SOX6: variants seen among roughly 807,000 people sequenced by gnomAD.
The protein encoded by SOX6 is transcription factor SOX-6.
A neutral mutation model predicts 97.8 loss-of-function variants in SOX6; 11 were observed. That is an observed-to-expected ratio of 0.11 (90% CI 0.07 to 0.19). The LOEUF is 0.19. Among genes scored for constraint, SOX6 ranks in the 10% least tolerant of loss-of-function variants. SOX6 has a pLI of 1.00. For synonymous variants in SOX6, 360 were observed against 371.4 expected (o/e 0.97, Z 0.35); for missense variants, 810 against 1,039.5 (o/e 0.78, Z 3.04).
intron 1 of SOX6, among the ~76,000 whole-genome samples, chr11:16,380,949 A>G (rs1015938033): frequency 6.6e-6 from 1 of 152,100 alleles, no homozygotes; most frequent in African/African-American, 2.4e-5. Context: ...TAAACATATG[A>G]TCTTGAGCAA....
intron 7 of SOX6, among the ~76,000 whole-genome samples, chr11:16,105,432 G>T (rs540507377): frequency 6.6e-6 from 1 of 152,190 alleles, no homozygotes; most frequent in East Asian, 1.9e-4. Flanking sequence ...GCCAAGTGTG[G>T]TGGCACGTGC....
chr11:16,567,534 T>A (rs12289091), intron 4 of SOX6, among the ~76,000 whole-genome samples: 36,854 of 150,880 alleles, frequency 0.24, 5,016 homozygotes, highest in East Asian at 0.48. Context: ...ATTGTTTCTC[T>A]GTATTAATGG....
At chr11:16,153,074 C>T (rs1451437992) in intron 6 of SOX6, among the ~76,000 whole-genome samples, 1 of 152,112 alleles carries the variant, frequency 6.6e-6, no homozygotes, top group African/African-American at 2.4e-5. Flanking sequence ...ACCATGTTGG[C>T]CAGGGTGGTA....
At position 16,683,523 on chromosome 11, in the gene SOX6, G is replaced by T. The variant is rs528174759; in HGVS notation, n.429+31307C>A. On this transcript the variant is annotated intron_variant and non_coding_transcript_variant, in intron 3 of 5. Transcript: ENST00000524520. ...TTAATAAATGGTGCTGGGAAAATTG[G>T]CTAACCATATGTAGAAAGCTGAAAC... Among the ~76,000 whole-genome samples, 3 of 152,256 alleles carry T rather than the reference G, an allele frequency of 2.0e-5. No individual in the cohort carries two copies. In the South Asian group the frequency reaches 6.2e-4, roughly 32 times the overall value.
intron 6 of SOX6, among the ~76,000 whole-genome samples, chr11:16,176,249 T>C (rs770557640): frequency 2.0e-5 from 3 of 151,830 alleles, no homozygotes; most frequent in Non-Finnish European, 2.9e-5. Flanking sequence ...TCTATAAACT[T>C]TTCAATACTC....
At chr11:16,318,274 C>A in intron 3 of SOX6, 172 bp downstream of exon 3, 1 of 682,098 alleles carries the variant, frequency 1.5e-6, no homozygotes, top group Non-Finnish European at 2.6e-6. Context: ...CTGTTTAACA[C>A]TCCTAATGGA....
At chr11:16,567,383 A>C (rs903744803) in intron 4 of SOX6, 1 of 152,304 alleles carries the variant, frequency 6.6e-6, no homozygotes, top group South Asian at 2.1e-4. Context: ...TCTCACCTAA[A>C]AAAATAAAAT....
intron 9 of SOX6, among the ~76,000 whole-genome samples, chr11:16,070,505 T>C (rs1848198387): frequency 6.6e-6 from 1 of 152,080 alleles, no homozygotes; most frequent in South Asian, 2.1e-4. Context: ...TTATGGAACA[T>C]AGTTGCAAAT....
rs1847640378 is a variant in SOX6 at position 16,049,849 on chromosome 11, G to C, written c.1341C>G (p.Leu447=). ...VKSPTSPTQN[L]FPASKTSPVN... ...CAGGGCTGGTTTTGCTGGCTGGGAA[G>C]AGGTTCTGGGTGGGAGACGTTGGGG... Residue 447 remains leucine, a synonymous_variant, in exon 11 of 16, where the codon CTC becomes CTG. Transcript: ENST00000683767. 5 of 1,613,750 alleles carry C rather than the reference G, an allele frequency of 3.1e-6. No individual in the cohort carries two copies. Among genetic ancestry groups the C allele is most frequent in the Non-Finnish European group, 3.4e-6 (4 of 1,179,824 alleles).
intron 3 of SOX6, among the ~76,000 whole-genome samples, chr11:16,238,354 T>C (rs912882531): frequency 3.9e-5 from 6 of 152,116 alleles, no homozygotes; most frequent in Admixed American, 2.6e-4. Flanking sequence ...TAAAATATCA[T>C]GCATAATAAA....
chr11:16,402,935 C>T, intron 1 of SOX6: 1 of 1,144,622 alleles, frequency 8.7e-7, no homozygotes, highest in Admixed American at 2.2e-5. Context: ...CAAAACAAAA[C>T]CAATTTTTAC....
At chr11:16,210,348 G>A (rs1359894191) in intron 4 of SOX6, among the ~76,000 whole-genome samples, 4 of 152,146 alleles carry the variant, frequency 2.6e-5, no homozygotes, top group Non-Finnish European at 5.9e-5. Context: ...ACATGGATGA[G>A]CCTGGAAAAC....
chr11:16,516,812 T>TC lies in SOX6; in HGVS notation n.610-40425dup, dbSNP rs1207521439. Among the ~76,000 whole-genome samples, 5 of 151,428 alleles carry TC rather than the reference T, an allele frequency of 3.3e-5. No homozygotes were observed. The East Asian group carries it at 9.7e-4, about 30-fold the overall frequency. ...CAATCAATAGAAAAAGAGGGAATCCTCCCTAACTCATTTTATGAGGACAGC... is the reference window on the plus strand; with the variant it reads ...CAATCAATAGAAAAAGAGGGAATCCTCCCCTAACTCATTTTATGAGGACAGC... On this transcript the variant is annotated intron_variant and non_coding_transcript_variant, in intron 4 of 5. Coordinates refer to the SOX6 transcript ENST00000524520.
At chr11:16,582,418 T>G (rs1182578338) in intron 4 of SOX6, among the ~76,000 whole-genome samples, 2 of 152,206 alleles carry the variant, frequency 1.3e-5, no homozygotes, top group Non-Finnish European at 2.9e-5. Flanking sequence ...CTGTACTATA[T>G]ATTTCTTATA....
intron 2 of SOX6, among the ~76,000 whole-genome samples, chr11:16,324,139 G>C (rs1272497187): frequency 1.3e-5 from 2 of 152,002 alleles, no homozygotes; most frequent in Non-Finnish European, 2.9e-5. Context: ...AGCCATGATT[G>C]CTCCACTGCA....
At chr11:16,342,307 A>C (rs895133786) in intron 1 of SOX6, among the ~76,000 whole-genome samples, 1 of 152,004 alleles carries the variant, frequency 6.6e-6, no homozygotes, top group Non-Finnish European at 1.5e-5. Context: ...GGAATTGAGC[A>C]CTTTTCTAAA....
chr11:16,113,657 AGAAATAT>A (rs1254161562), intron 6 of SOX6, among the ~76,000 whole-genome samples: 2 of 152,218 alleles, frequency 1.3e-5, no homozygotes, highest in Admixed American at 1.3e-4. Context: ...ATTTGCCTCC[AGAAATAT>A]GGCCCTAATA....
Position 16,310,576 on chromosome 11 carries a change from A to T in SOX6, c.445+7870T>A, listed in dbSNP as rs182057396. Among the ~76,000 whole-genome samples the T allele has an allele frequency of 3.3e-5, 5 of 152,246 alleles. No individual in the cohort carries two copies. In the East Asian group the frequency reaches 9.6e-4, roughly 29 times the overall value. ...TTTAAAGAGAAGAAAAAATGAATTT[A>T]AATGAAGTTGTATCAGCATTGTTCT... On this transcript the variant is annotated intron_variant, in intron 3 of 15. Coordinates refer to ENST00000683767, the MANE Select transcript of SOX6 (RefSeq NM_001367873.1).
intron 6 of SOX6, among the ~76,000 whole-genome samples, chr11:16,170,231 T>G (rs1482774763): frequency 6.6e-6 from 1 of 152,048 alleles, no homozygotes; most frequent in Non-Finnish European, 1.5e-5. Context: ...CTGTTAGCAA[T>G]GTGTATAAAA....
Sources: allele counts gnomAD v4.1 joint callset (sites outside exome capture counted in the v4.1 genomes callset), GRCh38; gene constraint gnomAD v4.1.1; transcripts MANE v1.5; gene names NCBI Gene and HGNC (gene_info 2026-07-23, HGNC 2026-07-21).